PRDM6: variants seen among roughly 807,000 people sequenced by gnomAD.
PRDM6 encodes PR/SET domain 6, also known as putative histone-lysine N-methyltransferase PRDM6.
PRDM6 carries 25 observed loss-of-function variants against 60.8 expected under a neutral mutation model. That is an observed-to-expected ratio of 0.41 (90% CI 0.30 to 0.57). PRDM6 has a LOEUF of 0.57. Ranked by LOEUF, PRDM6 falls within the 20% of genes least tolerant of loss-of-function variation. The pLI, the probability that PRDM6 is intolerant of heterozygous loss-of-function variation, is 0.27. For missense variants in PRDM6, 839 were observed against 821.3 expected (o/e 1.02, Z -0.26); for synonymous variants, 407 against 357.4 (o/e 1.14, Z -1.57).
At chr5:123,110,916 G>A (rs1412817087) in intron 3 of PRDM6, among the ~76,000 whole-genome samples, 3 of 151,890 alleles carry the variant, frequency 2.0e-5, no homozygotes, top group Non-Finnish European at 4.4e-5. Context: ...ACTATGTCAC[G>A]ACCAATCCAG....
In PRDM6 at chr5:123,090,277, C is replaced by CCTCCGCCTT. The variant is rs757801561; in HGVS notation, c.271_272insTCTCCGCCT (p.Ala90_Ser91insPheSerAla). 5 of 1,405,796 alleles carry CCTCCGCCTT rather than the reference C, an allele frequency of 3.6e-6. No homozygotes were observed. The South Asian group carries it at 6.5e-5, about 18-fold the overall frequency. 87.1% of individuals were successfully genotyped at this position (1,405,796 alleles called of 1,614,324 possible). A position where few individuals can be genotyped will look rare whatever the true frequency, so the allele number is the denominator to read the frequency against. ...TCGTCCACGCCGGCTTCCTCTTCCACCTCCGCCTCCTCCGCCTCCTCCTGC... is the reference window on the plus strand; with the variant it reads ...TCGTCCACGCCGGCTTCCTCTTCCACCTCCGCCTTCTCCGCCTCCTCCGCCTCCTCCTGC... On this transcript the variant is annotated inframe_insertion, in exon 2 of 8. Transcript: ENST00000407847.
chr5:123,167,969 A>G (rs1207618774), intron 5 of PRDM6, among the ~76,000 whole-genome samples: 1 of 152,204 alleles, frequency 6.6e-6, no homozygotes, highest in Non-Finnish European at 1.5e-5. Context: ...CTCCTGGATT[A>G]GTAATGAAAG....
rs1286199135 is a variant in PRDM6 at position 123,090,169 on chromosome 5, C to T, written c.155C>T (p.Pro52Leu). The change falls in exon 2 of 8, where the codon CCG (proline) becomes CTG (leucine). Residue 52 changes from proline to leucine, a missense_variant. Pro to Leu is a moderately conservative substitution (Grantham distance 98). This residue lies in a region of PRDM6 where 730 missense variants were observed against 648.8 expected (regional missense o/e 1.13). Coordinates refer to ENST00000407847, the MANE Select transcript of PRDM6 (RefSeq NM_001136239.4). ...CTGAGCGCGCCGCAGCCTCTTCAGCCGCCGCCGCCGCCCCCGCCCCCGGAG... is the reference window on the plus strand; with the variant it reads ...CTGAGCGCGCCGCAGCCTCTTCAGCTGCCGCCGCCGCCCCCGCCCCCGGAG... ...GLLSAPQPLQPPPPPPPPERA... is the reference protein window; with the variant it reads ...GLLSAPQPLQLPPPPPPPERA... 6.3e-6 allele frequency: 9 copies of T among 1,417,962 alleles called. No homozygotes were observed. The highest frequency in any genetic ancestry group is 8.5e-6 in the Non-Finnish European group (9 of 1,062,954). The allele number at this position is 1,417,962 out of a possible 1,614,324, so 87.8% of individuals were successfully genotyped here. A position where few individuals can be genotyped will look rare whatever the true frequency, so the allele number is the denominator to read the frequency against.
At chr5:123,114,068 G>A (rs1268911872) in intron 3 of PRDM6, among the ~76,000 whole-genome samples, 1 of 152,190 alleles carries the variant, frequency 6.6e-6, no homozygotes, top group African/African-American at 2.4e-5. Flanking sequence ...CTTTTGAGGT[G>A]CACAGAGGAG....
At chr5:123,161,492 A>G (rs1452754868) in intron 5 of PRDM6, among the ~76,000 whole-genome samples, 1 of 152,190 alleles carries the variant, frequency 6.6e-6, no homozygotes, top group African/African-American at 2.4e-5. Flanking sequence ...GAGAGTGAAC[A>G]GGGTAAGCTT....
chr5:123,141,415 AG>A (rs1381318140), intron 3 of PRDM6, among the ~76,000 whole-genome samples: 3 of 152,070 alleles, frequency 2.0e-5, no homozygotes, highest in East Asian at 3.8e-4. Flanking sequence ...GATTTGTGAA[AG>A]GGGATCACTG....
At position 123,145,492 on chromosome 5, in the gene PRDM6, T is replaced by C. The variant is rs147709970; in HGVS notation, c.901-10392T>C. Among the ~76,000 whole-genome samples, 323 of 152,324 alleles carry C rather than the reference T, an allele frequency of 2.1e-3. 1 individual carries two copies. Among genetic ancestry groups the C allele is most frequent in the African/African-American group, 7.3e-3 (305 of 41,570 alleles). On this transcript the variant is annotated intron_variant, in intron 3 of 7. Coordinates refer to ENST00000407847, the MANE Select transcript of PRDM6 (RefSeq NM_001136239.4). ...CGTTACTGTCATCACCCTCTATCCT[T>C]GGTGCCTCATCTCTTGGATCTTGAT...
At chr5:123,147,570 G>C (rs907402241) in intron 3 of PRDM6, among the ~76,000 whole-genome samples, 1 of 152,198 alleles carries the variant, frequency 6.6e-6, no homozygotes, top group African/African-American at 2.4e-5. Context: ...CTTTAATTTG[G>C]ATGGATAAAA....
intron 6 of PRDM6, 28 bp from the exon 7 acceptor site, chr5:123,180,119 G>C (rs1372112358): frequency 4.0e-6 from 6 of 1,508,936 alleles, no homozygotes; most frequent in Non-Finnish European, 5.4e-6. Flanking sequence ...AGAAAACAAT[G>C]ACCAGACAGT....
chr5:123,124,063 G>A (rs1764641674), intron 3 of PRDM6, among the ~76,000 whole-genome samples: 1 of 152,162 alleles, frequency 6.6e-6, no homozygotes, highest in African/African-American at 2.4e-5. Flanking sequence ...CCTGGTCCAG[G>A]TCAGGCCAAC....
At chr5:123,097,413 C>T (rs918407664) in intron 2 of PRDM6, among the ~76,000 whole-genome samples, 2 of 152,080 alleles carry the variant, frequency 1.3e-5, no homozygotes, top group Non-Finnish European at 1.5e-5. Flanking sequence ...GCCTTGCAGT[C>T]AGGCAGCCTT....
chr5:123,130,285 T>C (rs1313530861), intron 3 of PRDM6, among the ~76,000 whole-genome samples: 1 of 74,608 alleles, frequency 1.3e-5, no homozygotes, highest in East Asian at 5.0e-4. Flanking sequence ...CCTCTCCCCT[T>C]CCCTTCCCTC....
intron 7 of PRDM6, among the ~76,000 whole-genome samples, chr5:123,183,398 G>A (rs1287657139): frequency 6.6e-6 from 1 of 152,104 alleles, no homozygotes; most frequent in Non-Finnish European, 1.5e-5. Flanking sequence ...GTTTTTGAAG[G>A]CATATCAAGA....
At chr5:123,158,557 G>GA (rs1462890527) in intron 4 of PRDM6, among the ~76,000 whole-genome samples, 3 of 152,088 alleles carry the variant, frequency 2.0e-5, no homozygotes, top group Non-Finnish European at 2.9e-5. Context: ...CTTTTTTATT[G>GA]ATCTTTATGA....
chr5:123,174,476 A>G (rs931824630), intron 6 of PRDM6, among the ~76,000 whole-genome samples: 1 of 152,256 alleles, frequency 6.6e-6, no homozygotes, highest in East Asian at 1.9e-4. Flanking sequence ...AGAGAAAGTC[A>G]GAAGGTAAAA....
In PRDM6 at chr5:123,111,694, AAACAAAAC is replaced by A. The variant is rs2150213069; in HGVS notation, c.900+11736_900+11743del. Among the ~76,000 whole-genome samples, 6 of 104,872 alleles carry A rather than the reference AAACAAAAC, an allele frequency of 5.7e-5. No homozygotes were observed. In the South Asian group the frequency reaches 1.1e-3, roughly 19 times the overall value. The allele number at this position is 104,872 out of a possible 152,430, so 68.8% of individuals were successfully genotyped here. On this transcript the variant is annotated intron_variant, in intron 3 of 7. Transcript: ENST00000407847. ...GCAGGGGCGACAGAGCGAGAAAACA[AAACAAAAC>A]AAAACAAAAAAAAAACAAAATGCCA...
chr5:123,091,453 C>G (rs1763840454), intron 2 of PRDM6, among the ~76,000 whole-genome samples: 1 of 152,232 alleles, frequency 6.6e-6, no homozygotes, highest in South Asian at 2.1e-4. Context: ...AAATGCCTAA[C>G]TAAACATCAG....
intron 5 of PRDM6, among the ~76,000 whole-genome samples, chr5:123,162,378 C>T (rs185256584): frequency 1.3e-5 from 2 of 152,230 alleles, no homozygotes; most frequent in East Asian, 3.9e-4. Flanking sequence ...CAAAAATGTA[C>T]TTTCTGGAAA....
chr5:123,096,619 C>G (rs1271306389), intron 2 of PRDM6, among the ~76,000 whole-genome samples: 2 of 152,162 alleles, frequency 1.3e-5, no homozygotes, highest in Non-Finnish European at 2.9e-5. Flanking sequence ...AAGAAGACCC[C>G]TGTTGGGTGG....
Sources: allele counts gnomAD v4.1 joint callset (sites outside exome capture counted in the v4.1 genomes callset), GRCh38; gene constraint gnomAD v4.1.1; regional missense constraint gnomAD v4.1.1; transcripts MANE v1.5; gene names NCBI Gene and HGNC (gene_info 2026-07-23, HGNC 2026-07-21).